PXDNL: variants seen among roughly 807,000 people sequenced by gnomAD.
PXDNL encodes peroxidasin like.
Under a neutral mutation model 150.8 loss-of-function variants are expected in PXDNL, and 145 were observed. That is an observed-to-expected ratio of 0.96 (90% CI 0.84 to 1.10). PXDNL has a LOEUF of 1.10. PXDNL is among the 50% of genes least tolerant of loss of function. The pLI, the probability that PXDNL is intolerant of heterozygous loss-of-function variation, is 0.00. For missense variants in PXDNL, 2,087 were observed against 1,873.9 expected (o/e 1.11, Z -2.10); for synonymous variants, 757 against 725.7 (o/e 1.04, Z -0.69).
At chr8:51,501,884 A>G (rs1488348208) in intron 4 of PXDNL, among the ~76,000 whole-genome samples, 1 of 152,222 alleles carries the variant, frequency 6.6e-6, no homozygotes, top group Non-Finnish European at 1.5e-5. Flanking sequence ...AGTCTCTGTG[A>G]CTGCAGTGAA....
intron 4 of PXDNL, among the ~76,000 whole-genome samples, chr8:51,512,892 T>C (rs957458834): frequency 1.1e-4 from 17 of 151,714 alleles, no homozygotes; most frequent in Non-Finnish European, 5.9e-5. Flanking sequence ...TGCCATCTTC[T>C]CAATTTGCTG....
At chr8:51,536,048 G>C (rs769546254) in intron 4 of PXDNL, among the ~76,000 whole-genome samples, 1 of 152,140 alleles carries the variant, frequency 6.6e-6, no homozygotes, top group Non-Finnish European at 1.5e-5. Context: ...TGGACCCCTG[G>C]CCATGGTGAT....
At chr8:51,616,249 G>A (rs911209822) in intron 2 of PXDNL, among the ~76,000 whole-genome samples, 2 of 152,170 alleles carry the variant, frequency 1.3e-5, no homozygotes, top group African/African-American at 2.4e-5. Flanking sequence ...TGCACAGATG[G>A]TTTCTGGTAC....
intron 8 of PXDNL, among the ~76,000 whole-genome samples, chr8:51,458,868 G>A (rs1345305470): frequency 3.9e-5 from 6 of 152,202 alleles, no homozygotes; most frequent in Non-Finnish European, 7.3e-5. Context: ...GTTTTAGAGC[G>A]GAATCACAGA....
intron 2 of PXDNL, among the ~76,000 whole-genome samples, chr8:51,633,205 C>T (rs1814528254): frequency 1.3e-5 from 2 of 152,170 alleles, no homozygotes; most frequent in South Asian, 2.1e-4. Context: ...CCAGCTGCAT[C>T]CACGTTACTG....
chr8:51,525,256 A>G (rs988632786), intron 4 of PXDNL, among the ~76,000 whole-genome samples: 2 of 152,324 alleles, frequency 1.3e-5, no homozygotes, highest in Non-Finnish European at 2.9e-5. Flanking sequence ...CATTTTTGTG[A>G]AGATTACATA....
At chr8:51,419,282 G>T (rs757364151) in intron 14 of PXDNL, among the ~76,000 whole-genome samples, 2 of 151,868 alleles carry the variant, frequency 1.3e-5, no homozygotes, top group Non-Finnish European at 2.9e-5. Context: ...ATAAATTCTG[G>T]GTCACCTTTG....
At chr8:51,744,201 AAG>A (rs1295509443) in intron 1 of PXDNL, among the ~76,000 whole-genome samples, 2 of 149,746 alleles carry the variant, frequency 1.3e-5, no homozygotes, top group Non-Finnish European at 3.0e-5. Flanking sequence ...AGAAAGAAAA[AAG>A]AAAAGAAAGG....
intron 1 of PXDNL, among the ~76,000 whole-genome samples, chr8:51,677,531 A>G (rs1467632905): frequency 6.6e-6 from 1 of 152,226 alleles, no homozygotes; most frequent in Non-Finnish European, 1.5e-5. Context: ...CTTATAAAAC[A>G]TCATTTTGTG....
Position 51,667,836 on chromosome 8 carries a change from T to C in PXDNL, c.165-13076A>G, listed in dbSNP as rs80241018. Among the ~76,000 whole-genome samples the C allele has an allele frequency of 2.6e-5, 4 of 152,348 alleles. No homozygotes were observed. The East Asian group carries it at 7.7e-4, about 29-fold the overall frequency. On this transcript the variant is annotated intron_variant, in intron 1 of 22. Transcript: ENST00000356297. ...TTAGAATTAGCCTCTAGTATATGGT[T>C]ACATCACATTTGCTCATTCCATGGC... is the stretch of plus-strand genomic sequence containing the variant.
intron 12 of PXDNL, among the ~76,000 whole-genome samples, chr8:51,438,632 G>A (rs1032422910): frequency 7.2e-5 from 11 of 152,008 alleles, no homozygotes; most frequent in Admixed American, 2.0e-4. Context: ...GGAGAATGGC[G>A]TGAACCTGGG....
intron 4 of PXDNL, among the ~76,000 whole-genome samples, chr8:51,552,719 G>A (rs529593478): frequency 6.6e-6 from 1 of 152,064 alleles, no homozygotes; most frequent in African/African-American, 2.4e-5. Flanking sequence ...CTACACATTG[G>A]GTGCAGTGTA....
intron 1 of PXDNL, among the ~76,000 whole-genome samples, chr8:51,730,721 G>A (rs889919006): frequency 1.3e-5 from 2 of 152,184 alleles, no homozygotes; most frequent in African/African-American, 4.8e-5. Flanking sequence ...AAGGAAAGAG[G>A]TTTAATGGAC....
At chr8:51,730,982 G>C (rs1454999214) in intron 1 of PXDNL, among the ~76,000 whole-genome samples, 1 of 152,150 alleles carries the variant, frequency 6.6e-6, no homozygotes, top group Non-Finnish European at 1.5e-5. Context: ...TTCAAGATGA[G>C]ATTTAGGTGG....
intron 3 of PXDNL, among the ~76,000 whole-genome samples, chr8:51,574,958 C>T (rs536317866): frequency 1.1e-4 from 16 of 151,924 alleles, no homozygotes; most frequent in East Asian, 3.9e-4. Context: ...AAATATGAGG[C>T]GTCGAGAAGA....
At chr8:51,385,734 T>C (rs1807687551) in intron 17 of PXDNL, among the ~76,000 whole-genome samples, 1 of 152,192 alleles carries the variant, frequency 6.6e-6, no homozygotes, top group South Asian at 2.1e-4. Flanking sequence ...TGGTGGAAGA[T>C]AACTGAATCA....
chr8:51,483,563 A>G, intron 6 of PXDNL, 80 bp downstream of exon 6: 1 of 868,148 alleles, frequency 1.2e-6, no homozygotes, highest in Non-Finnish European at 1.8e-6. Flanking sequence ...AAGCAGGAGA[A>G]GGCAACCAAC....
intron 1 of PXDNL, among the ~76,000 whole-genome samples, chr8:51,775,425 C>T (rs1251917287): frequency 1.3e-5 from 2 of 152,180 alleles, no homozygotes; most frequent in African/African-American, 4.8e-5. Context: ...GAATACATTT[C>T]TCTGATTCTC....
chr8:51,583,031 C>T (rs1401298574), intron 3 of PXDNL, among the ~76,000 whole-genome samples: 1 of 152,112 alleles, frequency 6.6e-6, no homozygotes, highest in Non-Finnish European at 1.5e-5. Context: ...ATGGTTGTCA[C>T]AGTATATAAT....
Sources: allele counts gnomAD v4.1 joint callset (sites outside exome capture counted in the v4.1 genomes callset), GRCh38; gene constraint gnomAD v4.1.1; transcripts MANE v1.5; gene names NCBI Gene and HGNC (gene_info 2026-07-23, HGNC 2026-07-21).